Variants in GPC6 observed in about 807,000 individuals in gnomAD.
The protein encoded by GPC6 is glypican 6, also known as glypican-6.
In GPC6, 14 loss-of-function variants were observed where a neutral mutation model predicts 55.2. The observed-to-expected ratio is 0.25, with a 90% CI of 0.17 to 0.40. The LOEUF is 0.40. GPC6 is among the 10% of genes least tolerant of loss of function. GPC6 has a pLI of 1.00. For missense variants in GPC6, 641 were observed against 708.5 expected (o/e 0.90, Z 1.08); for synonymous variants, 278 against 259.6 (o/e 1.07, Z -0.68).
intron 3 of GPC6, among the ~76,000 whole-genome samples, chr13:94,013,597 G>A (rs1216855218): frequency 2.0e-5 from 3 of 152,128 alleles, no homozygotes; most frequent in African/African-American, 4.8e-5. Context: ...TGATCTGCCC[G>A]GCTTGGCCTC....
intron 2 of GPC6, among the ~76,000 whole-genome samples, chr13:93,696,394 T>A (rs1882454011): frequency 6.6e-6 from 1 of 152,166 alleles, no homozygotes; most frequent in Non-Finnish European, 1.5e-5. Context: ...AGATAAGCAA[T>A]GAAATTTAGC....
intron 1 of GPC6, among the ~76,000 whole-genome samples, chr13:93,432,537 TTTCTGAAACATTTTAATATGTGC>T (rs1461196488): frequency 6.6e-6 from 1 of 152,160 alleles, no homozygotes; most frequent in Non-Finnish European, 1.5e-5. Flanking sequence ...AGTTGCAGTC[TTTCTGAAACATTTTAATATGTGC>T]TTCTAGAGAA....
At chr13:94,097,344 C>CA (rs1885699846) in intron 4 of GPC6, among the ~76,000 whole-genome samples, 1 of 151,480 alleles carries the variant, frequency 6.6e-6, no homozygotes, top group Non-Finnish European at 1.5e-5. Flanking sequence ...CTACTAAAAA[C>CA]AAAAACAAAA....
chr13:93,218,079 A>G, the GPC6 span, among the ~76,000 whole-genome samples: 1 of 148,568 alleles, frequency 6.7e-6, no homozygotes, highest in African/African-American at 2.5e-5. Context: ...GAAACAGATC[A>G]TTAGTACATG....
chr13:93,326,818 AT>A (rs1879674909), intron 1 of GPC6, among the ~76,000 whole-genome samples: 2 of 152,116 alleles, frequency 1.3e-5, no homozygotes, highest in Admixed American at 1.3e-4. Flanking sequence ...TCCAGCGAAC[AT>A]TTTTTTAAAT....
At chr13:94,336,358 C>T (rs1047449551) in intron 6 of GPC6, among the ~76,000 whole-genome samples, 5 of 152,184 alleles carry the variant, frequency 3.3e-5, no homozygotes, top group African/African-American at 1.2e-4. Context: ...CTGTCAAACA[C>T]TGATTGCCCC....
chr13:93,623,733 C>T (rs1191019012), intron 2 of GPC6, among the ~76,000 whole-genome samples: 2 of 152,164 alleles, frequency 1.3e-5, no homozygotes, highest in Non-Finnish European at 2.9e-5. Context: ...GCTGGGATTA[C>T]AGGCTTGGGC....
At chr13:94,005,525 A>T (rs921809655) in intron 3 of GPC6, among the ~76,000 whole-genome samples, 2 of 152,222 alleles carry the variant, frequency 1.3e-5, no homozygotes, top group Non-Finnish European at 2.9e-5. Context: ...GGAAATTTGC[A>T]TGTAGTGACA....
chr13:93,924,185 T>G (rs1198664971), intron 3 of GPC6, among the ~76,000 whole-genome samples: 1 of 152,264 alleles, frequency 6.6e-6, no homozygotes, highest in Non-Finnish European at 1.5e-5. Context: ...ACCCTCTTTA[T>G]TATACATTTG....
chr13:93,607,734 C>G (rs915197660), intron 2 of GPC6, among the ~76,000 whole-genome samples: 8 of 152,126 alleles, frequency 5.3e-5, no homozygotes, highest in African/African-American at 1.9e-4. Flanking sequence ...ATTTTCACAG[C>G]CTTCATCACC....
In GPC6 at chr13:93,545,115, T is replaced by C. The variant is rs540866948; in HGVS notation, c.161-148T>C. ...TGGAATGTTAGATACACTGATGTGC[T>C]GTGGCCCAGATAGAGTTCATGGGGA... On this transcript the variant is annotated intron_variant, in intron 1 of 8. Transcript: ENST00000377047. The C allele has an allele frequency of 5.6e-6, 4 of 710,366 alleles. No homozygotes were observed. The African/African-American group carries it at 7.0e-5, about 12-fold the overall frequency. 44.0% of individuals were successfully genotyped at this position (710,366 alleles called of 1,614,324 possible).
At chr13:94,266,352 T>TAG (rs1891812067) in intron 4 of GPC6, among the ~76,000 whole-genome samples, 1 of 152,134 alleles carries the variant, frequency 6.6e-6, no homozygotes, top group South Asian at 2.1e-4. Flanking sequence ...GTATTTTTAG[T>TAG]AGAGACGGGG....
rs535281419 is a variant in GPC6, at chr13:93,654,268, T to A, written c.319+108847T>A. Among the ~76,000 whole-genome samples the A allele has an allele frequency of 6.1e-3, 929 of 152,264 alleles. 9 individuals carry two copies. Among genetic ancestry groups the A allele is most frequent in the African/African-American group, 0.021 (859 of 41,558 alleles). ...TTATTATTATTACTATTTATTTATT[T>A]TTTGAAACAGAATCTCACTCTGTCG... is the stretch of plus-strand genomic sequence containing the variant. On this transcript the variant is annotated intron_variant, in intron 2 of 8. Coordinates refer to ENST00000377047, the MANE Select transcript of GPC6 (RefSeq NM_005708.5).
At chr13:93,987,873 A>G (rs1341979369) in intron 3 of GPC6, among the ~76,000 whole-genome samples, 1 of 152,188 alleles carries the variant, frequency 6.6e-6, no homozygotes, top group Non-Finnish European at 1.5e-5. Flanking sequence ...CCAGGGTAGA[A>G]TGTTTAATAA....
At chr13:94,294,171 A>G (rs1038770890) in intron 5 of GPC6, among the ~76,000 whole-genome samples, 2 of 152,170 alleles carry the variant, frequency 1.3e-5, no homozygotes, top group African/African-American at 4.8e-5. Flanking sequence ...CCTTCTTCCT[A>G]TCCTATCAGG....
At chr13:94,187,394 C>T (rs946120750) in intron 4 of GPC6, 1 of 152,120 alleles carries the variant, frequency 6.6e-6, no homozygotes, top group Admixed American at 6.6e-5. Context: ...GAAAGCAGAA[C>T]GATGAGTCAG....
At chr13:93,347,285 C>T (rs1454668106) in intron 1 of GPC6, among the ~76,000 whole-genome samples, 2 of 152,082 alleles carry the variant, frequency 1.3e-5, no homozygotes, top group Non-Finnish European at 2.9e-5. Flanking sequence ...ATGACTGGGT[C>T]AGAAAGAAAT....
intron 4 of GPC6, among the ~76,000 whole-genome samples, chr13:94,242,106 C>A (rs936961536): frequency 4.0e-5 from 6 of 150,832 alleles, no homozygotes; most frequent in African/African-American, 9.7e-5. Context: ...GTGTGATGTT[C>A]CCCTTCCTGT....
At chr13:93,717,141 T>TGC (rs1053413975) in intron 2 of GPC6, among the ~76,000 whole-genome samples, 14 of 151,356 alleles carry the variant, frequency 9.2e-5, no homozygotes, top group Non-Finnish European at 1.3e-4. Flanking sequence ...GATGCATGGG[T>TGC]GCGCACACAC....
Sources: allele counts gnomAD v4.1 joint callset (sites outside exome capture counted in the v4.1 genomes callset), GRCh38; gene constraint gnomAD v4.1.1; transcripts MANE v1.5; gene names NCBI Gene and HGNC (gene_info 2026-07-23, HGNC 2026-07-21).